ZBTB7C: variants seen among roughly 807,000 people sequenced by gnomAD.
ZBTB7C encodes zinc finger and BTB domain-containing protein 7C.
ZBTB7C carries 8 observed loss-of-function variants against 25.7 expected under a neutral mutation model. The ratio of observed to expected loss-of-function variants is 0.31; its 90% CI spans 0.18 to 0.56. The LOEUF (loss-of-function observed/expected upper bound fraction) is 0.56. Among genes scored for constraint, ZBTB7C ranks in the 20% least tolerant of loss-of-function variants. ZBTB7C has a pLI of 0.91. For missense variants in ZBTB7C, 824 were observed against 855.2 expected (o/e 0.96, Z 0.46); for synonymous variants, 394 against 369.0 (o/e 1.07, Z -0.78).
In ZBTB7C at chr18:48,297,123, C is replaced by T. The variant is rs567898046; in HGVS notation, c.-79+41051G>A. ...GTTAGGGGCTGCTGGTCTAGAGACA[C>T]GCAGCACATATGCCCGCATGTTCTA... On this transcript the variant is annotated intron_variant, in intron 2 of 4. Coordinates refer to ENST00000590800, the MANE Select transcript of ZBTB7C (RefSeq NM_001318841.2). 3.9e-5 allele frequency among the ~76,000 whole-genome samples: 6 copies of T among 152,262 alleles called. No homozygotes were observed. The East Asian group carries it at 5.8e-4, about 15-fold the overall frequency.
intron 2 of ZBTB7C, among the ~76,000 whole-genome samples, chr18:48,287,863 G>A (rs1355422166): frequency 6.6e-6 from 1 of 152,164 alleles, no homozygotes; most frequent in Non-Finnish European, 1.5e-5. Context: ...ATGTGTAACT[G>A]TTATTCCTGA....
At chr18:48,270,778 G>A (rs575551558) in intron 2 of ZBTB7C, among the ~76,000 whole-genome samples, 18 of 151,346 alleles carry the variant, frequency 1.2e-4, no homozygotes, top group East Asian at 3.9e-4. Flanking sequence ...TTGACCTCAC[G>A]ATCCGCCCAC....
Position 48,028,726 on chromosome 18 carries a change from T to C in ZBTB7C, c.*534A>G. On this transcript the variant is annotated 3_prime_UTR_variant, in exon 5 of 5. Coordinates refer to ENST00000590800, the MANE Select transcript of ZBTB7C (RefSeq NM_001318841.2). ...GGTTCCTGACTGGTTCCAGGAGGCCTCCCTGCCAACAGAGCATTTCTTTCT... is the reference window on the plus strand; with the variant it reads ...GGTTCCTGACTGGTTCCAGGAGGCCCCCCTGCCAACAGAGCATTTCTTTCT... 5 of 153,000 alleles carry C rather than the reference T, an allele frequency of 3.3e-5. No homozygotes were observed. The highest frequency in any genetic ancestry group is 7.3e-5 in the Non-Finnish European group (5 of 68,670). 9.5% of individuals were successfully genotyped at this position (153,000 alleles called of 1,614,324 possible).
intron 3 of ZBTB7C, among the ~76,000 whole-genome samples, chr18:48,109,159 C>T (rs1399713307): frequency 6.6e-6 from 1 of 152,118 alleles, no homozygotes; most frequent in Non-Finnish European, 1.5e-5. Flanking sequence ...TTGCTAAGAA[C>T]CCAGGCTGGT....
At chr18:48,308,603 C>T (rs1003078971) in intron 2 of ZBTB7C, among the ~76,000 whole-genome samples, 1 of 152,224 alleles carries the variant, frequency 6.6e-6, no homozygotes, top group African/African-American at 2.4e-5. Context: ...GAAAAATAGT[C>T]AGATGTTTAA....
intron 2 of ZBTB7C, among the ~76,000 whole-genome samples, chr18:48,294,235 C>T (rs559162867): frequency 5.9e-5 from 9 of 152,222 alleles, no homozygotes; most frequent in Non-Finnish European, 1.0e-4. Context: ...CTGCGGAAGG[C>T]ACAATGGGCA....
intron 2 of ZBTB7C, among the ~76,000 whole-genome samples, chr18:48,239,005 C>T (rs908678114): frequency 4.6e-5 from 7 of 152,112 alleles, no homozygotes; most frequent in African/African-American, 1.7e-4. Context: ...CTTGGTGAAG[C>T]CTGTCACTGA....
rs369961961 is a variant in ZBTB7C, at chr18:48,322,612, G to A, written c.-79+15562C>T. The stretch of plus-strand genomic sequence containing the variant: ...ACTGTTGGTGGGAATGTAAACTAGC[G>A]CAACCACTGTGGAAAACGGTGTGGA... On this transcript the variant is annotated intron_variant, in intron 2 of 4. Coordinates refer to ENST00000590800, the MANE Select transcript of ZBTB7C (RefSeq NM_001318841.2). Among the ~76,000 whole-genome samples the A allele has an allele frequency of 7.7e-4, 117 of 152,280 alleles. 1 individual carries two copies. Among genetic ancestry groups the A allele is most frequent in the African/African-American group, 2.7e-3 (111 of 41,560 alleles).
chr18:48,034,331 A>G (rs1042203606), intron 4 of ZBTB7C, among the ~76,000 whole-genome samples: 3 of 152,044 alleles, frequency 2.0e-5, no homozygotes, highest in Non-Finnish European at 4.4e-5. Flanking sequence ...ACCTGCAGGT[A>G]TGAACTGGAC....
At chr18:48,191,330 C>T (rs963716757) in intron 2 of ZBTB7C, among the ~76,000 whole-genome samples, 4 of 152,228 alleles carry the variant, frequency 2.6e-5, no homozygotes, top group Non-Finnish European at 5.9e-5. Context: ...GCCCTGCCAT[C>T]GACCAGCTGT....
chr18:48,088,792 T>C (rs1418800471), intron 3 of ZBTB7C, among the ~76,000 whole-genome samples: 1 of 152,102 alleles, frequency 6.6e-6, no homozygotes. Context: ...ATTGCGCTAC[T>C]GCACTTCAGC....
intron 3 of ZBTB7C, chr18:48,165,478 C>A: frequency 3.4e-6 from 1 of 292,642 alleles, no homozygotes; most frequent in Non-Finnish European, 6.7e-6. Context: ...GACTCCCAAA[C>A]TGCGGCCTCA....
At chr18:48,122,614 G>A (rs1246076798) in intron 3 of ZBTB7C, among the ~76,000 whole-genome samples, 1 of 152,194 alleles carries the variant, frequency 6.6e-6, no homozygotes, top group Non-Finnish European at 1.5e-5. Flanking sequence ...TGTGATTACT[G>A]ACTTAATATG....
At chr18:48,136,869 C>G in intron 3 of ZBTB7C, 1 of 779,636 alleles carries the variant, frequency 1.3e-6, no homozygotes, top group Non-Finnish European at 1.6e-6. Context: ...CCCCGCAGCG[C>G]GTAGCGAGAA....
chr18:48,065,535 T>C (rs1466854037), intron 3 of ZBTB7C, among the ~76,000 whole-genome samples: 1 of 152,212 alleles, frequency 6.6e-6, no homozygotes, highest in Non-Finnish European at 1.5e-5. Flanking sequence ...TCCAAACTTT[T>C]TCAGTCATGG....
chr18:48,317,884 A>C (rs1462221648), intron 2 of ZBTB7C, among the ~76,000 whole-genome samples: 1 of 152,222 alleles, frequency 6.6e-6, no homozygotes, highest in African/African-American at 2.4e-5. Context: ...GAATTTCAGA[A>C]GATCCCAGGG....
chr18:48,324,189 T>A (rs2046162808), intron 2 of ZBTB7C, among the ~76,000 whole-genome samples: 1 of 152,068 alleles, frequency 6.6e-6, no homozygotes, highest in Non-Finnish European at 1.5e-5. Flanking sequence ...ACAGCCCAAA[T>A]GGACTAAGAA....
chr18:48,107,994 G>T (rs1484269642), intron 3 of ZBTB7C, among the ~76,000 whole-genome samples: 1 of 152,202 alleles, frequency 6.6e-6, no homozygotes, highest in African/African-American at 2.4e-5. Flanking sequence ...CTCCCCTCAT[G>T]AAGATAAAAT....
At chr18:48,099,437 G>A (rs1386873135) in intron 3 of ZBTB7C, among the ~76,000 whole-genome samples, 9 of 152,124 alleles carry the variant, frequency 5.9e-5, no homozygotes, top group African/African-American at 2.2e-4. Flanking sequence ...CTGACTCTGC[G>A]GGCTTTCCCC....
Sources: gnomAD v4.1 joint callset for allele counts (sites outside exome capture counted in the v4.1 genomes callset) on GRCh38, gnomAD v4.1.1 for gene constraint, MANE v1.5 for transcripts, NCBI Gene and HGNC (gene_info 2026-07-23, HGNC 2026-07-21) for gene names.